The following SEMA3E variants were observed in gnomAD, a reference collection of about 807,000 sequenced individuals.
SEMA3E encodes the protein semaphorin 3E.
SEMA3E carries 49 observed loss-of-function variants against 93.6 expected under a neutral mutation model. That is an observed-to-expected ratio of 0.52 (90% CI 0.42 to 0.66). The LOEUF (loss-of-function observed/expected upper bound fraction) is 0.66, where lower values mean the gene tolerates loss of function less well. Ranked by LOEUF, SEMA3E falls within the 30% of genes least tolerant of loss-of-function variation. The pLI is 0.00. For missense variants in SEMA3E, 906 were observed against 964.8 expected (o/e 0.94, Z 0.81); for synonymous variants, 363 against 330.7 (o/e 1.10, Z -1.06).
intron 1 of SEMA3E, among the ~76,000 whole-genome samples, chr7:83,551,090 G>A (rs898690889): frequency 1.3e-5 from 2 of 152,102 alleles, no homozygotes; most frequent in African/African-American, 4.8e-5. Context: ...AGAACTATAA[G>A]TTGTAATAGC....
Position 83,438,796 on chromosome 7 carries a change from C to T in SEMA3E, c.457-20313G>A, listed in dbSNP as rs1260252883. Reference sequence around the variant, plus strand: ...AATATGTAAGATAAATAGGAGAATGCTAGAAATAAAATGAGTAAACATTTA... The same window carrying T: ...AATATGTAAGATAAATAGGAGAATGTTAGAAATAAAATGAGTAAACATTTA... On this transcript the variant is annotated intron_variant, in intron 4 of 16. Transcript: ENST00000643230. 2.0e-5 allele frequency among the ~76,000 whole-genome samples: 3 copies of T among 151,830 alleles called. 1 individual carries two copies. Among genetic ancestry groups the T allele is most frequent in the Admixed American group, 2.0e-4 (3 of 15,234 alleles).
Position 83,506,251 on chromosome 7 carries a change from T to C in SEMA3E, c.116-15977A>G, listed in dbSNP as rs553414991. On this transcript the variant is annotated intron_variant, in intron 1 of 16. Transcript: ENST00000643230. ...AACAGATGCATGGATAAAGAAAACG[T>C]ATAGCGCATATACACAATACAGTAT... Among the ~76,000 whole-genome samples, 7 of 152,064 alleles carry C rather than the reference T, an allele frequency of 4.6e-5. No individual in the cohort carries two copies. The East Asian group carries it at 1.4e-3, about 29-fold the overall frequency.
At chr7:83,511,624 C>T (rs1302285319) in intron 1 of SEMA3E, among the ~76,000 whole-genome samples, 2 of 152,090 alleles carry the variant, frequency 1.3e-5, no homozygotes, top group South Asian at 2.1e-4. Flanking sequence ...GTGGCTCATG[C>T]CTGTAATCCC....
intron 1 of SEMA3E, among the ~76,000 whole-genome samples, chr7:83,511,387 A>G (rs560935329): frequency 6.6e-6 from 1 of 151,914 alleles, no homozygotes; most frequent in South Asian, 2.1e-4. Context: ...AACCAGAATT[A>G]AACAGCATTT....
chr7:83,487,464 A>T (rs1584282891), intron 2 of SEMA3E, among the ~76,000 whole-genome samples: 1 of 152,126 alleles, frequency 6.6e-6, no homozygotes, highest in East Asian at 1.9e-4. Flanking sequence ...CAATTTTAAT[A>T]TGGGGATCAA....
intron 1 of SEMA3E, among the ~76,000 whole-genome samples, chr7:83,524,188 C>G (rs944859529): frequency 6.6e-6 from 1 of 152,056 alleles, no homozygotes; most frequent in African/African-American, 2.4e-5. Flanking sequence ...TTCTTTCTCC[C>G]TTAATAAGGA....
intron 1 of SEMA3E, among the ~76,000 whole-genome samples, chr7:83,635,563 C>CA (rs3839776): frequency 0.3 from 43,590 of 146,978 alleles, 6,760 homozygotes; most frequent in South Asian, 0.36. Context: ...AGTATAGTAC[C>CA]AAAAAAAAAC....
intron 1 of SEMA3E, among the ~76,000 whole-genome samples, chr7:83,603,649 A>G (rs1485087804): frequency 6.6e-6 from 1 of 152,192 alleles, no homozygotes; most frequent in African/African-American, 2.4e-5. Flanking sequence ...TATTAACAGC[A>G]GTGAGATAGA....
intron 16 of SEMA3E, among the ~76,000 whole-genome samples, chr7:83,379,010 T>C (rs1457347830): frequency 6.6e-6 from 1 of 151,780 alleles, no homozygotes; most frequent in Non-Finnish European, 1.5e-5. Flanking sequence ...TGTCTGTCAA[T>C]GGATGATTGG....
intron 1 of SEMA3E, among the ~76,000 whole-genome samples, chr7:83,495,123 C>T (rs1322982154): frequency 6.6e-6 from 1 of 151,718 alleles, no homozygotes; most frequent in East Asian, 1.9e-4. Flanking sequence ...AATAAGTTGG[C>T]CTGCTGTCGA....
intron 1 of SEMA3E, among the ~76,000 whole-genome samples, chr7:83,609,845 C>T (rs1231443743): frequency 1.3e-5 from 2 of 151,810 alleles, no homozygotes; most frequent in Admixed American, 6.6e-5. Flanking sequence ...GTACTGAATG[C>T]TTACTTTATT....
intron 1 of SEMA3E, among the ~76,000 whole-genome samples, chr7:83,508,331 C>T (rs1013929351): frequency 3.3e-5 from 5 of 149,550 alleles, no homozygotes; most frequent in African/African-American, 1.2e-4. Flanking sequence ...GGTGCGATCT[C>T]AACTCACTGC....
intron 1 of SEMA3E, among the ~76,000 whole-genome samples, chr7:83,528,622 T>G (rs1791219561): frequency 6.6e-6 from 1 of 152,110 alleles, no homozygotes; most frequent in African/African-American, 2.4e-5. Context: ...AAGTAAAACC[T>G]AAGTCTTCAT....
chr7:83,464,154 G>A lies in SEMA3E; in HGVS notation c.456+2328C>T, dbSNP rs1289318318. 2.6e-4 allele frequency among the ~76,000 whole-genome samples: 40 copies of A among 151,832 alleles called. 1 individual carries two copies. Among genetic ancestry groups the A allele is most frequent in the Admixed American group, 5.3e-4 (8 of 15,238 alleles). ...ACCTTTATATCCCTTACGGTCCTCC[G>A]TCTTCAAGAAAAGTAGAATGGACTA... On this transcript the variant is annotated intron_variant, in intron 4 of 16. Transcript: ENST00000643230.
chr7:83,555,486 C>G (rs1456002579), intron 1 of SEMA3E, among the ~76,000 whole-genome samples: 1 of 152,108 alleles, frequency 6.6e-6, no homozygotes, highest in Non-Finnish European at 1.5e-5. Flanking sequence ...ATTGTCACAT[C>G]CTGGATTATT....
chr7:83,550,562 A>G (rs965192470), intron 1 of SEMA3E, among the ~76,000 whole-genome samples: 1 of 152,134 alleles, frequency 6.6e-6, no homozygotes, highest in African/African-American at 2.4e-5. Context: ...GTAAATGAGA[A>G]GCTATTATCT....
chr7:83,566,268 A>G lies in SEMA3E; in HGVS notation c.116-75994T>C, dbSNP rs539870820. On this transcript the variant is annotated intron_variant, in intron 1 of 16. Transcript: ENST00000643230. ...TGATCTGCCTGCTTCGGCCTCCCAGAGTGCTGGGATTACAGGCGTGAGCCA... is the reference window on the plus strand; with the variant it reads ...TGATCTGCCTGCTTCGGCCTCCCAGGGTGCTGGGATTACAGGCGTGAGCCA... Among the ~76,000 whole-genome samples the G allele has an allele frequency of 5.3e-5, 8 of 151,714 alleles. No individual in the cohort carries two copies. The South Asian group carries it at 1.7e-3, about 32-fold the overall frequency.
chr7:83,530,577 T>C (rs1404611786), intron 1 of SEMA3E, among the ~76,000 whole-genome samples: 1 of 152,142 alleles, frequency 6.6e-6, no homozygotes, highest in African/African-American at 2.4e-5. Flanking sequence ...ATATTCTTTT[T>C]AAAAATATTC....
intron 1 of SEMA3E, among the ~76,000 whole-genome samples, chr7:83,568,910 G>T (rs1792217623): frequency 6.6e-6 from 1 of 151,906 alleles, no homozygotes; most frequent in Admixed American, 6.6e-5. Flanking sequence ...CAACAAAAGG[G>T]ATCTAGATTG....
Sources: allele counts gnomAD v4.1 joint callset (sites outside exome capture counted in the v4.1 genomes callset), GRCh38; gene constraint gnomAD v4.1.1; transcripts MANE v1.5; gene names NCBI Gene and HGNC (gene_info 2026-07-23, HGNC 2026-07-21).